Variants in TNKS2 observed in about 807,000 individuals in gnomAD.
TNKS2 encodes the protein poly [ADP-ribose] polymerase tankyrase-2.
In TNKS2, 72 loss-of-function variants were observed where a neutral mutation model predicts 137.6. That is an observed-to-expected ratio of 0.52 (90% CI 0.43 to 0.64). TNKS2 has a LOEUF of 0.64. TNKS2 is among the 30% of genes least tolerant of loss of function. The pLI is 0.00. For missense variants in TNKS2, 1,049 were observed against 1,410.2 expected (o/e 0.74, Z 4.10); for synonymous variants, 516 against 512.1 (o/e 1.01, Z -0.10).
At chr10:91,833,794 A>C in intron 11 of TNKS2, 59 bp from the exon 12 acceptor site, 1 of 1,369,966 alleles carries the variant, frequency 7.3e-7, no homozygotes, top group African/African-American at 1.5e-5. Flanking sequence ...TAAATACATG[A>C]TTGTATGGTT....
At chr10:91,843,345 G>A (rs954939984) in intron 16 of TNKS2, among the ~76,000 whole-genome samples, 1 of 152,074 alleles carries the variant, frequency 6.6e-6, no homozygotes, top group Non-Finnish European at 1.5e-5. Context: ...ATTGGAACAT[G>A]GTGTCTCTTT....
chr10:91,807,565 C>T, intron 1 of TNKS2: 1 of 868,120 alleles, frequency 1.2e-6, no homozygotes, highest in Non-Finnish European at 1.9e-6. Context: ...CTTTACTTCT[C>T]AGACTCCTTT....
chr10:91,843,548 A>T (rs1021913036), intron 16 of TNKS2, among the ~76,000 whole-genome samples: 6 of 152,188 alleles, frequency 3.9e-5, no homozygotes. Flanking sequence ...ATTTGTTTTA[A>T]GGTTTCACTC....
chr10:91,853,742 C>T (rs949283530), intron 21 of TNKS2, among the ~76,000 whole-genome samples: 2 of 152,192 alleles, frequency 1.3e-5, no homozygotes, highest in African/African-American at 4.8e-5. Context: ...AAGATTATTG[C>T]AGTTCAGCCA....
intron 2 of TNKS2, among the ~76,000 whole-genome samples, chr10:91,816,905 C>T (rs1334088767): frequency 1.3e-5 from 2 of 152,078 alleles, no homozygotes; most frequent in Non-Finnish European, 2.9e-5. Flanking sequence ...GGAAAATCTG[C>T]ATTGAACTGA....
Position 91,831,014 on chromosome 10 carries a change from A to G in TNKS2, c.1196A>G (p.Glu399Gly). ...KGANINEKTKEFLTPLHVASE... is the reference protein window; with the variant it reads ...KGANINEKTKGFLTPLHVASE... ...GCAAACATCAATGAAAAGACTAAAG[A>G]GTAAGTATACATTTAATGATTAAAT... Residue 399 changes from glutamate (E) to glycine (G), a missense_variant and splice_region_variant, in exon 10 of 27, where the codon GAA becomes GGA. Physicochemically the swap from Glu to Gly is moderately conservative, Grantham distance 98. This residue lies in a region of TNKS2 where 328 missense variants were observed against 436.0 expected (regional missense o/e 0.75). Transcript: ENST00000371627. The G allele has an allele frequency of 1.2e-6, 2 of 1,612,838 alleles. No homozygotes were observed. The highest frequency in any genetic ancestry group is 8.5e-7 in the Non-Finnish European group (1 of 1,179,448).
In TNKS2 at chr10:91,845,665, G is replaced by T; in HGVS notation, c.2170-87G>T. 6 of 1,087,722 alleles carry T rather than the reference G, an allele frequency of 5.5e-6. No homozygotes were observed. In the South Asian group the frequency reaches 1.7e-4, roughly 32 times the overall value. The allele number at this position is 1,087,722 out of a possible 1,614,324, so 67.4% of individuals were successfully genotyped here. Reference sequence around the variant, plus strand: ...TTTCCAGAATAAGTTTGAAAATGTGGAAGTAGGTACGTAACTAGTTTCATT... The same window carrying T: ...TTTCCAGAATAAGTTTGAAAATGTGTAAGTAGGTACGTAACTAGTTTCATT... On this transcript the variant is annotated intron_variant, in intron 17 of 26. Transcript: ENST00000371627.
chr10:91,862,547 T>A (rs866826750), intron 26 of TNKS2, among the ~76,000 whole-genome samples: 2 of 152,160 alleles, frequency 1.3e-5, no homozygotes, highest in South Asian at 4.1e-4. Context: ...TTTTCTTAGC[T>A]CTTATAAATA....
chr10:91,840,526 A>G (rs774322016), intron 13 of TNKS2, 35 bp from the exon 14 acceptor site: 1 of 1,574,902 alleles, frequency 6.3e-7, no homozygotes, highest in South Asian at 1.1e-5. Flanking sequence ...CAATATGTAG[A>G]TGTAGTATCA....
chr10:91,834,875 T>TA (rs1841949697), intron 12 of TNKS2, among the ~76,000 whole-genome samples: 1 of 152,252 alleles, frequency 6.6e-6, no homozygotes, highest in African/African-American at 2.4e-5. Flanking sequence ...TTGTCAGTTT[T>TA]ATGCTAAGTA....
At chr10:91,811,073 C>T (rs368857018) in intron 1 of TNKS2, among the ~76,000 whole-genome samples, 53 of 150,098 alleles carry the variant, frequency 3.5e-4, no homozygotes, top group South Asian at 8.5e-4. Context: ...TACAGGCACG[C>T]GCCACCACGC....
In TNKS2 at chr10:91,798,572, G is replaced by A. The variant is rs940961054; in HGVS notation, c.-119G>A. ...GCGCCGGATCCGGTGACAGCAGGGA[G>A]CCAAGCGGCCCGGGCCCTGAGCGCG... On this transcript the variant is annotated 5_prime_UTR_variant, in exon 1 of 27. Transcript: ENST00000371627. 8.8e-7 allele frequency: 1 copy of A among 1,135,416 alleles called. No individual in the cohort carries two copies. 70.3% of individuals were successfully genotyped at this position (1,135,416 alleles called of 1,614,324 possible). A position where few individuals can be genotyped will look rare whatever the true frequency, so the allele number is the denominator to read the frequency against.
At chr10:91,857,287 G>T (rs1041239979) in intron 23 of TNKS2, 138 bp from the exon 24 acceptor site, 3 of 452,540 alleles carry the variant, frequency 6.6e-6, no homozygotes, top group Admixed American at 7.8e-5. Flanking sequence ...ATTTTTAGTT[G>T]ATTAAAATAA....
intron 21 of TNKS2, among the ~76,000 whole-genome samples, 194 bp from the exon 22 acceptor site, chr10:91,854,835 G>A (rs529606937): frequency 3.3e-5 from 5 of 151,478 alleles, no homozygotes; most frequent in East Asian, 3.9e-4. Context: ...CCCAGGACGC[G>A]GAGGTTGTGG....
intron 12 of TNKS2, chr10:91,836,690 C>T: frequency 1.0e-6 from 1 of 985,164 alleles, no homozygotes; most frequent in Non-Finnish European, 1.2e-6. Context: ...ATTTTATAAT[C>T]ATTATACACA....
chr10:91,804,886 C>G (rs894656303), intron 1 of TNKS2, among the ~76,000 whole-genome samples: 1 of 152,106 alleles, frequency 6.6e-6, no homozygotes, highest in African/African-American at 2.4e-5. Flanking sequence ...GCTTCAGCCT[C>G]CCGAGTAGCT....
intron 6 of TNKS2, 73 bp downstream of exon 6, chr10:91,820,106 A>G: frequency 9.7e-7 from 1 of 1,027,340 alleles, no homozygotes. Context: ...TAACCTTAGA[A>G]AAATAATATT....
chr10:91,809,185 A>T (rs1332613702), intron 1 of TNKS2, among the ~76,000 whole-genome samples: 2 of 152,200 alleles, frequency 1.3e-5, no homozygotes, highest in African/African-American at 4.8e-5. Flanking sequence ...ATATTAGCAG[A>T]TGTTTGCTTG....
chr10:91,846,713 C>G (rs1237588301), intron 18 of TNKS2, among the ~76,000 whole-genome samples: 1 of 132,910 alleles, frequency 7.5e-6, no homozygotes, highest in Non-Finnish European at 1.5e-5. Context: ...TGAGGTAGTT[C>G]AGCTGCATTG....
Sources: allele counts gnomAD v4.1 joint callset (sites outside exome capture counted in the v4.1 genomes callset), GRCh38; gene constraint gnomAD v4.1.1; regional missense constraint gnomAD v4.1.1; transcripts MANE v1.5; gene names NCBI Gene and HGNC (gene_info 2026-07-23, HGNC 2026-07-21).